Variants in ROBO1 observed in about 807,000 individuals in gnomAD.
ROBO1 encodes roundabout homolog 1.
In ROBO1, 149 loss-of-function variants were observed where a neutral mutation model predicts 195.9. The ratio of observed to expected loss-of-function variants is 0.76; its 90% confidence interval spans 0.67 to 0.87. The LOEUF is 0.87. Among genes scored for constraint, ROBO1 ranks in the 40% least tolerant of loss-of-function variants. ROBO1 has a pLI of 0.00. For missense variants in ROBO1, 1,933 were observed against 2,068.3 expected (o/e 0.93, Z 1.27); for synonymous variants, 816 against 733.2 (o/e 1.11, Z -1.82).
intron 2 of ROBO1, among the ~76,000 whole-genome samples, chr3:79,143,306 T>G (rs777835495): frequency 6.6e-6 from 1 of 152,092 alleles, no homozygotes; most frequent in Non-Finnish European, 1.5e-5. Flanking sequence ...TAAAACTGCT[T>G]GCTTACCTAT....
intron 2 of ROBO1, among the ~76,000 whole-genome samples, chr3:79,546,690 G>A (rs997319280): frequency 9.9e-5 from 15 of 152,034 alleles, no homozygotes; most frequent in African/African-American, 3.6e-4. Context: ...CTCACTTCAC[G>A]GGCAGCACAT....
chr3:79,244,146 T>C (rs1258357237), intron 2 of ROBO1, among the ~76,000 whole-genome samples: 1 of 152,202 alleles, frequency 6.6e-6, no homozygotes, highest in Middle Eastern at 3.4e-3. Flanking sequence ...GATTCCACCG[T>C]TGATGTTCTT....
intron 2 of ROBO1, among the ~76,000 whole-genome samples, chr3:79,575,196 ATATATATATAACAGAT>A: frequency 2.0e-5 from 1 of 50,308 alleles, no homozygotes; most frequent in African/African-American, 9.8e-5. Context: ...ATATATATAA[ATATATATATAACAGAT>A]ATATATATAT....
intron 4 of ROBO1, among the ~76,000 whole-genome samples, chr3:78,893,530 G>A (rs1178319849): frequency 6.6e-6 from 1 of 152,150 alleles, no homozygotes; most frequent in Non-Finnish European, 1.5e-5. Flanking sequence ...TTTTATTGTA[G>A]CAGCACAGAC....
At chr3:79,410,562 C>T (rs2037724559) in intron 2 of ROBO1, among the ~76,000 whole-genome samples, 1 of 143,928 alleles carries the variant, frequency 6.9e-6, no homozygotes, top group South Asian at 2.2e-4. Context: ...TTTTCTGAAT[C>T]ATAAGGAGAA....
intron 4 of ROBO1, among the ~76,000 whole-genome samples, chr3:78,847,432 T>G (rs2033743103): frequency 6.6e-6 from 1 of 152,116 alleles, no homozygotes; most frequent in African/African-American, 2.4e-5. Flanking sequence ...TCCGCCAGAA[T>G]GTAGAGTACC....
chr3:78,673,505 T>G (rs1708187614), intron 10 of ROBO1, among the ~76,000 whole-genome samples: 1 of 136,842 alleles, frequency 7.3e-6, no homozygotes, highest in South Asian at 2.2e-4. Context: ...ATAAAATATA[T>G]AAAATAATAT....
At chr3:78,771,625 G>A (rs770708200) in intron 4 of ROBO1, among the ~76,000 whole-genome samples, 5 of 151,986 alleles carry the variant, frequency 3.3e-5, no homozygotes, top group Non-Finnish European at 5.9e-5. Context: ...TTGGTTAGCT[G>A]TATTCCTAGG....
intron 1 of ROBO1, among the ~76,000 whole-genome samples, chr3:79,600,162 T>C (rs927680826): frequency 6.6e-6 from 1 of 152,060 alleles, no homozygotes; most frequent in African/African-American, 2.4e-5. Flanking sequence ...GGACGCATGA[T>C]GTCTGGTCAT....
intron 4 of ROBO1, among the ~76,000 whole-genome samples, chr3:78,809,748 C>T (rs1442071775): frequency 6.6e-6 from 1 of 152,040 alleles, no homozygotes; most frequent in African/African-American, 2.4e-5. Flanking sequence ...AAACAGAAAA[C>T]CAAACACTGC....
intron 2 of ROBO1, among the ~76,000 whole-genome samples, chr3:79,220,525 A>T (rs943133317): frequency 5.9e-5 from 9 of 151,978 alleles, no homozygotes; most frequent in Non-Finnish European, 1.3e-4. Flanking sequence ...CATACAGCAT[A>T]AAGAGATGAA....
At chr3:79,496,605 T>C (rs1939761008) in intron 2 of ROBO1, among the ~76,000 whole-genome samples, 1 of 150,266 alleles carries the variant, frequency 6.7e-6, no homozygotes, top group Admixed American at 6.6e-5. Flanking sequence ...GCCAGGATGG[T>C]CTCGATCTCC....
At chr3:79,113,147 G>A (rs1389092435) in intron 3 of ROBO1, among the ~76,000 whole-genome samples, 1 of 152,064 alleles carries the variant, frequency 6.6e-6, no homozygotes, top group Non-Finnish European at 1.5e-5. Flanking sequence ...CTTCTTTAAA[G>A]AAAGCCCATT....
chr3:79,436,685 A>G (rs896907391), intron 2 of ROBO1, among the ~76,000 whole-genome samples: 1 of 152,082 alleles, frequency 6.6e-6, no homozygotes, highest in Non-Finnish European at 1.5e-5. Context: ...AGATATTTTA[A>G]AAGAGTGTTT....
At chr3:79,621,444 T>G (rs2107978875) in intron 1 of ROBO1, among the ~76,000 whole-genome samples, 1 of 152,258 alleles carries the variant, frequency 6.6e-6, no homozygotes, top group Admixed American at 6.5e-5. Flanking sequence ...TGCATGACAC[T>G]TATCAAGGCT....
At chr3:78,730,807 T>A (rs552065090) in intron 5 of ROBO1, among the ~76,000 whole-genome samples, 2 of 152,240 alleles carry the variant, frequency 1.3e-5, no homozygotes, top group Admixed American at 1.3e-4. Context: ...CTTCCAACAA[T>A]ACACATGTTA....
At chr3:78,668,784 A>C (rs1281065388) in intron 11 of ROBO1, among the ~76,000 whole-genome samples, 1 of 151,968 alleles carries the variant, frequency 6.6e-6, no homozygotes, top group Non-Finnish European at 1.5e-5. Flanking sequence ...CTAATGGTAT[A>C]ATAAGAAATA....
At chr3:78,711,339 C>CCTCCTTTCTTTCTTTCTTT (rs1559772541) in intron 8 of ROBO1, among the ~76,000 whole-genome samples, 1 of 108,964 alleles carries the variant, frequency 9.2e-6, no homozygotes, top group South Asian at 3.3e-4. Flanking sequence ...TTCCTTCCTT[C>CCTCCTTTCTTTCTTTCTTT]CTTCCTTCCT....
chr3:79,607,712 G>A (rs1446954870), intron 1 of ROBO1, among the ~76,000 whole-genome samples: 1 of 151,262 alleles, frequency 6.6e-6, no homozygotes, highest in Non-Finnish European at 1.5e-5. Context: ...GATAAACACA[G>A]TAATTACGAA....
Sources: allele counts gnomAD v4.1 joint callset (sites outside exome capture counted in the v4.1 genomes callset), GRCh38; gene constraint gnomAD v4.1.1; transcripts MANE v1.5; gene names NCBI Gene and HGNC (gene_info 2026-07-23, HGNC 2026-07-21).